NAV2: variants seen among roughly 807,000 people sequenced by gnomAD.
NAV2 encodes neuron navigator 2.
NAV2 carries 54 observed loss-of-function variants against 223.2 expected under a neutral mutation model. The ratio of observed to expected loss-of-function variants is 0.24; its 90% CI spans 0.19 to 0.30. The LOEUF is 0.30. Ranked by LOEUF, NAV2 falls within the 10% of genes least tolerant of loss-of-function variation. NAV2 has a pLI of 1.00. For missense variants in NAV2, 2,806 were observed against 3,147.5 expected (o/e 0.89, Z 2.60); for synonymous variants, 1,279 against 1,239.3 (o/e 1.03, Z -0.67).
At chr11:20,107,936 C>T (rs928988799) in intron 36 of NAV2, among the ~76,000 whole-genome samples, 154 bp downstream of exon 36, 2 of 152,044 alleles carry the variant, frequency 1.3e-5, no homozygotes, top group Admixed American at 1.3e-4. Flanking sequence ...TGTAGGGACA[C>T]ACCTGGCTGC....
intron 11 of NAV2, among the ~76,000 whole-genome samples, chr11:20,030,091 A>G (rs905841825): frequency 1.3e-5 from 2 of 152,230 alleles, no homozygotes; most frequent in Non-Finnish European, 2.9e-5. Flanking sequence ...GTTAGTTTCC[A>G]GGAGGAGGCC....
intron 1 of NAV2, among the ~76,000 whole-genome samples, chr11:19,535,718 T>C (rs1008045288): frequency 1.3e-5 from 2 of 152,204 alleles, no homozygotes; most frequent in Admixed American, 6.5e-5. Flanking sequence ...GTTGGCCTTA[T>C]GGGTTCAGTG....
At chr11:20,002,750 C>T (rs973081053) in intron 11 of NAV2, among the ~76,000 whole-genome samples, 9 of 152,244 alleles carry the variant, frequency 5.9e-5, no homozygotes, top group East Asian at 1.9e-4. Flanking sequence ...TAGCCACCTC[C>T]GGTAGCTGTG....
intron 1 of NAV2, among the ~76,000 whole-genome samples, chr11:19,807,196 T>G (rs1288297504): frequency 6.6e-6 from 1 of 152,194 alleles, no homozygotes; most frequent in Admixed American, 6.5e-5. Context: ...CCCATGGTCA[T>G]GATAATTTGC....
intron 5 of NAV2, among the ~76,000 whole-genome samples, chr11:19,882,870 C>A (rs2063303517): frequency 6.6e-6 from 1 of 152,168 alleles, no homozygotes; most frequent in Admixed American, 6.6e-5. Context: ...TGGGTTACTT[C>A]TGCAGAAGAC....
chr11:20,061,580 A>C (rs1390474764), intron 19 of NAV2, among the ~76,000 whole-genome samples: 2 of 151,926 alleles, frequency 1.3e-5, no homozygotes, highest in Non-Finnish European at 2.9e-5. Flanking sequence ...AAAAAAAAAA[A>C]AAAAAGATGT....
chr11:19,408,485 A>C (rs1276511508), intron 1 of NAV2, among the ~76,000 whole-genome samples: 2 of 152,164 alleles, frequency 1.3e-5, no homozygotes, highest in African/African-American at 4.8e-5. Flanking sequence ...GCAAAATGAA[A>C]ATGTATCATT....
At chr11:19,955,825 T>G (rs1253785247) in intron 10 of NAV2, among the ~76,000 whole-genome samples, 1 of 152,200 alleles carries the variant, frequency 6.6e-6, no homozygotes, top group East Asian at 1.9e-4. Flanking sequence ...GATAGGCTGT[T>G]GTTTCTGGCA....
chr11:20,058,966 A>G (rs1313905406), intron 19 of NAV2, among the ~76,000 whole-genome samples: 1 of 152,156 alleles, frequency 6.6e-6, no homozygotes, highest in African/African-American at 2.4e-5. Flanking sequence ...GGCCAAATTG[A>G]GGCAAAAGTG....
chr11:19,904,975 C>T (rs2042749271), intron 6 of NAV2, among the ~76,000 whole-genome samples: 1 of 152,186 alleles, frequency 6.6e-6, no homozygotes, highest in African/African-American at 2.4e-5. Context: ...GAAGAGTCTC[C>T]TCCACCTCAG....
intron 1 of NAV2, among the ~76,000 whole-genome samples, chr11:19,812,537 A>G (rs953035988): frequency 1.3e-5 from 2 of 152,090 alleles, no homozygotes; most frequent in Non-Finnish European, 2.9e-5. Flanking sequence ...TCAGAGTACC[A>G]GAGTATGTGC....
chr11:19,657,600 C>T (rs550658687), intron 1 of NAV2, among the ~76,000 whole-genome samples: 136 of 152,252 alleles, frequency 8.9e-4, no homozygotes, highest in Non-Finnish European at 1.6e-3. Flanking sequence ...TCTCTGTATT[C>T]TGAGAGGGTG....
chr11:19,605,970 T>G (rs1429667914), intron 1 of NAV2, among the ~76,000 whole-genome samples: 1 of 152,172 alleles, frequency 6.6e-6, no homozygotes, highest in Non-Finnish European at 1.5e-5. Context: ...GCCTGTGGAA[T>G]CATACCGTTT....
At chr11:19,789,068 C>A (rs1232676854) in intron 1 of NAV2, among the ~76,000 whole-genome samples, 2 of 152,106 alleles carry the variant, frequency 1.3e-5, no homozygotes, top group African/African-American at 4.8e-5. Context: ...AGTAAATATT[C>A]ATTTATTTGA....
intron 1 of NAV2, among the ~76,000 whole-genome samples, chr11:19,668,411 T>C (rs1169353107): frequency 6.6e-6 from 1 of 151,532 alleles, no homozygotes; most frequent in East Asian, 1.9e-4. Flanking sequence ...CTCACATCTG[T>C]AGTCCCAGCT....
chr11:19,647,926 A>G (rs1378912765), intron 1 of NAV2, among the ~76,000 whole-genome samples: 1 of 152,198 alleles, frequency 6.6e-6, no homozygotes, highest in Non-Finnish European at 1.5e-5. Context: ...GTTGTGAGTC[A>G]GACAACATTA....
At chr11:19,501,385 C>A (rs2042958836) in intron 1 of NAV2, among the ~76,000 whole-genome samples, 1 of 152,120 alleles carries the variant, frequency 6.6e-6, no homozygotes, top group South Asian at 2.1e-4. Context: ...AGTACCTCAT[C>A]TAATTAGGAT....
intron 11 of NAV2, 47 bp downstream of exon 11, chr11:19,984,294 G>A: frequency 1.2e-6 from 2 of 1,605,612 alleles, no homozygotes; most frequent in Non-Finnish European, 1.7e-6. Flanking sequence ...GGTGATCCCA[G>A]GGGGGCCCTG....
chr11:19,528,929 A>C (rs916918037), intron 1 of NAV2, among the ~76,000 whole-genome samples: 2 of 12,444 alleles, frequency 1.6e-4, no homozygotes, highest in Admixed American at 1.3e-3. Flanking sequence ...ACTCCATCTC[A>C]AAAAAAAAAA....
Sources: gnomAD v4.1 joint callset for allele counts (sites outside exome capture counted in the v4.1 genomes callset) on GRCh38, gnomAD v4.1.1 for gene constraint, MANE v1.5 for transcripts, NCBI Gene and HGNC (gene_info 2026-07-23, HGNC 2026-07-21) for gene names.